Variants in DLGAP2 observed in about 807,000 individuals in gnomAD.
DLGAP2 encodes the protein DLG associated protein 2.
DLGAP2 carries 26 observed loss-of-function variants against 100.3 expected under a neutral mutation model. That is an observed-to-expected ratio of 0.26 (90% CI 0.19 to 0.36). The LOEUF is 0.36. Ranked by LOEUF, DLGAP2 falls within the 10% of genes least tolerant of loss-of-function variation. The pLI, the probability that DLGAP2 is intolerant of heterozygous loss-of-function variation, is 1.00. For synonymous variants in DLGAP2, 886 were observed against 630.1 expected, an observed-to-expected ratio of 1.41 and a Z score of -6.08; for missense variants, 1,858 against 1,453.2, an observed-to-expected ratio of 1.28 and a Z score of -4.53.
chr8:808,510 G>T (rs1796310059), intron 1 of DLGAP2, among the ~76,000 whole-genome samples: 1 of 152,182 alleles, frequency 6.6e-6, no homozygotes, highest in South Asian at 2.1e-4. Flanking sequence ...ACCAGCAGTG[G>T]GATTCCTTCC....
chr8:833,269 C>T (rs1272157804), intron 1 of DLGAP2, among the ~76,000 whole-genome samples: 1 of 152,188 alleles, frequency 6.6e-6, no homozygotes, highest in Non-Finnish European at 1.5e-5. Context: ...TGAGAGAATT[C>T]AGGCTTTTTG....
chr8:1,145,765 C>G (rs1404452552), intron 2 of DLGAP2, among the ~76,000 whole-genome samples: 1 of 124,274 alleles, frequency 8.0e-6, no homozygotes, highest in Admixed American at 9.1e-5. Flanking sequence ...CCTCCCCCCT[C>G]CCCCCACCCC....
At chr8:1,507,213 G>A (rs1799952988) in intron 4 of DLGAP2, among the ~76,000 whole-genome samples, 1 of 152,220 alleles carries the variant, frequency 6.6e-6, no homozygotes, top group African/African-American at 2.4e-5. Context: ...AGGGGGCAGC[G>A]TCCATCAGGG....
intron 1 of DLGAP2, among the ~76,000 whole-genome samples, chr8:893,795 C>A (rs549449322): frequency 1.3e-5 from 2 of 152,354 alleles, no homozygotes; most frequent in African/African-American, 4.8e-5. Flanking sequence ...TGGGGGTCTC[C>A]AAGGTGTGTC....
At chr8:1,520,567 T>C (rs1800559496) in intron 4 of DLGAP2, among the ~76,000 whole-genome samples, 1 of 152,136 alleles carries the variant, frequency 6.6e-6, no homozygotes, top group African/African-American at 2.4e-5. Flanking sequence ...GCCCTAAAAA[T>C]CCTGCGTGCT....
chr8:1,672,126 C>T (rs940789584), intron 10 of DLGAP2, among the ~76,000 whole-genome samples: 5 of 152,170 alleles, frequency 3.3e-5, no homozygotes, highest in Admixed American at 6.5e-5. Context: ...TTAGGAGGGA[C>T]GGAGGCCTGG....
At chr8:985,508 A>G (rs1273194400) in intron 2 of DLGAP2, among the ~76,000 whole-genome samples, 1 of 152,240 alleles carries the variant, frequency 6.6e-6, no homozygotes, top group Non-Finnish European at 1.5e-5. Flanking sequence ...GTCTTTCACC[A>G]GTTGCTTAGC....
chr8:1,558,964 G>A (rs1387800048), intron 5 of DLGAP2, among the ~76,000 whole-genome samples: 2 of 152,086 alleles, frequency 1.3e-5, no homozygotes, highest in Non-Finnish European at 2.9e-5. Flanking sequence ...GTTTTTCCTC[G>A]GTTCCAGTGC....
At chr8:818,867 G>T (rs958727103) in intron 1 of DLGAP2, among the ~76,000 whole-genome samples, 4 of 152,024 alleles carry the variant, frequency 2.6e-5, no homozygotes, top group Non-Finnish European at 5.9e-5. Context: ...TTGTTTTCTT[G>T]GTGACTATAA....
chr8:1,315,191 G>A (rs1470386576), intron 3 of DLGAP2, among the ~76,000 whole-genome samples: 1 of 152,236 alleles, frequency 6.6e-6, no homozygotes, highest in Non-Finnish European at 1.5e-5. Context: ...CAACACTCAA[G>A]AAACTCGGCA....
intron 2 of DLGAP2, among the ~76,000 whole-genome samples, chr8:1,123,373 G>A (rs1172265878): frequency 6.6e-6 from 1 of 152,184 alleles, no homozygotes; most frequent in Non-Finnish European, 1.5e-5. Flanking sequence ...AACACCTGAG[G>A]CTTAGTAGGT....
chr8:1,009,924 T>C (rs944739450), intron 2 of DLGAP2, among the ~76,000 whole-genome samples: 1 of 152,234 alleles, frequency 6.6e-6, no homozygotes, highest in Admixed American at 6.5e-5. Context: ...AACAAGCCAG[T>C]AAGGTCTTGT....
intron 3 of DLGAP2, among the ~76,000 whole-genome samples, chr8:1,493,406 G>A (rs554408713): frequency 2.6e-5 from 4 of 152,282 alleles, no homozygotes; most frequent in African/African-American, 7.2e-5. Flanking sequence ...TGGACCGAGC[G>A]CATAGACCGC....
intron 1 of DLGAP2, among the ~76,000 whole-genome samples, chr8:757,060 A>G (rs924112719): frequency 1.8e-4 from 27 of 152,160 alleles, no homozygotes; most frequent in African/African-American, 4.1e-4. Context: ...GTTTCCCGCC[A>G]TGGGGCCTTT....
chr8:878,749 G>T (rs904028719), intron 1 of DLGAP2, among the ~76,000 whole-genome samples: 5 of 152,090 alleles, frequency 3.3e-5, no homozygotes, highest in African/African-American at 7.2e-5. Context: ...TATAAAGTGA[G>T]GCCACCTCTC....
At chr8:973,263 C>T (rs1193883991) in intron 2 of DLGAP2, among the ~76,000 whole-genome samples, 1 of 147,828 alleles carries the variant, frequency 6.8e-6, no homozygotes, top group African/African-American at 2.5e-5. Context: ...CCCCCCACCT[C>T]CCTCCCGGAC....
chr8:1,172,587 T>G (rs1797152154), intron 2 of DLGAP2, among the ~76,000 whole-genome samples: 2 of 152,156 alleles, frequency 1.3e-5, no homozygotes, highest in African/African-American at 4.8e-5. Context: ...TCGTTTCTTT[T>G]TATTCTTTTT....
chr8:1,659,466 T>G (rs2130822552), intron 8 of DLGAP2, among the ~76,000 whole-genome samples: 1 of 152,352 alleles, frequency 6.6e-6, no homozygotes, highest in Non-Finnish European at 1.5e-5. Flanking sequence ...ACTATTATTG[T>G]GTGGGAGTCT....
intron 2 of DLGAP2, chr8:1,019,615 C>G (rs1163802283): frequency 6.9e-6 from 1 of 144,996 alleles, no homozygotes; most frequent in Non-Finnish European, 1.5e-5. Context: ...ATTTCGTGAT[C>G]TCTGTGGGGA....
Sources: gnomAD v4.1 joint callset for allele counts (sites outside exome capture counted in the v4.1 genomes callset) on GRCh38, gnomAD v4.1.1 for gene constraint, MANE v1.5 for transcripts, NCBI Gene and HGNC (gene_info 2026-07-23, HGNC 2026-07-21) for gene names.